TMEM266: variants seen among roughly 807,000 people sequenced by gnomAD.
TMEM266 encodes the protein Hv1 related protein 1.
In TMEM266, 33 loss-of-function variants were observed where a neutral mutation model predicts 50.5. The ratio of observed to expected loss-of-function variants is 0.65; its 90% CI spans 0.50 to 0.87. The LOEUF is 0.87. Among genes scored for constraint, TMEM266 ranks in the 40% least tolerant of loss-of-function variants. The pLI is 0.00. For missense variants in TMEM266, 655 were observed against 695.1 expected (o/e 0.94, Z 0.65); for synonymous variants, 310 against 292.3 (o/e 1.06, Z -0.62).
At chr15:76,093,562 T>A (rs956444310) in intron 1 of TMEM266, among the ~76,000 whole-genome samples, 4 of 152,006 alleles carry the variant, frequency 2.6e-5, no homozygotes, top group Non-Finnish European at 5.9e-5. Context: ...TGAATAGTGC[T>A]GCAATAAACA....
At chr15:76,103,274 A>G (rs767861031) in intron 1 of TMEM266, among the ~76,000 whole-genome samples, 4 of 151,814 alleles carry the variant, frequency 2.6e-5, no homozygotes, top group South Asian at 2.1e-4. Context: ...AGGCCAAGGC[A>G]GGAGGATTGC....
chr15:76,204,126 G>A lies in TMEM266; in HGVS notation c.1407G>A (p.Ala469=), dbSNP rs767600432. 23 of 1,613,006 alleles carry A rather than the reference G, an allele frequency of 1.4e-5. No homozygotes were observed. Among genetic ancestry groups the A allele is most frequent in the East Asian group, 2.2e-5 (1 of 44,874 alleles). The change falls in exon 11 of 11, where the codon GCG becomes GCA. Residue 469 remains alanine, a synonymous_variant. Coordinates refer to ENST00000388942, the MANE Select transcript of TMEM266 (RefSeq NM_152335.3). ...CCCCCCTCGCCCGGCCCAGCCCAGC[G>A]GGCTCGGCCCAAACCAGCCCCGAGC...
At chr15:76,110,760 A>G (rs2037158895) in intron 1 of TMEM266, among the ~76,000 whole-genome samples, 2 of 152,228 alleles carry the variant, frequency 1.3e-5, no homozygotes. Context: ...ATTATGTCCA[A>G]AATATATAAG....
chr15:76,061,475 G>C (rs1383900516), intron 1 of TMEM266, among the ~76,000 whole-genome samples: 2 of 152,204 alleles, frequency 1.3e-5, no homozygotes, highest in South Asian at 2.1e-4. Flanking sequence ...GGAGCCCTGA[G>C]GGGGCTTTTC....
chr15:76,118,984 C>T (rs2037294802), intron 1 of TMEM266, among the ~76,000 whole-genome samples: 1 of 152,152 alleles, frequency 6.6e-6, no homozygotes, highest in South Asian at 2.1e-4. Context: ...TCAAATGAAG[C>T]TCTGCCAACA....
chr15:76,202,252 GGGC>G lies in TMEM266; in HGVS notation c.1010_1012del (p.Gly337_Pro338delinsAla), dbSNP rs775016217. ...CAGCTACATCAGTCAGTATTACAAT[GGGC>G]CCAGCAGTGGTAAGTCTGGGTTGGG... is the stretch of plus-strand genomic sequence containing the variant. On this transcript the variant is annotated inframe_deletion, in exon 10 of 11. Coordinates refer to ENST00000388942, the MANE Select transcript of TMEM266 (RefSeq NM_152335.3). 1.2e-6 allele frequency: 2 copies of G among 1,613,584 alleles called. No homozygotes were observed. Among genetic ancestry groups the G allele is most frequent in the Non-Finnish European group, 1.7e-6 (2 of 1,179,740 alleles).
rs2038758820 is a variant in TMEM266, at chr15:76,202,182, C to A, written c.959-20C>A. ...GAATGAACTTGATGCACTCACCCTT[C>A]TCTGTCCCCACCTCTGTAGAAGCCA... On this transcript the variant is annotated intron_variant, in intron 9 of 10. Transcript: ENST00000388942. The A allele has an allele frequency of 1.2e-6, 2 of 1,607,104 alleles. No individual in the cohort carries two copies. Among genetic ancestry groups the A allele is most frequent in the Non-Finnish European group, 1.7e-6 (2 of 1,174,728 alleles).
chr15:76,189,337 C>T (rs367694207), intron 8 of TMEM266, among the ~76,000 whole-genome samples: 11 of 120,008 alleles, frequency 9.2e-5, no homozygotes, highest in Middle Eastern at 5.3e-3. Context: ...AAAGAGGGAG[C>T]AGAGAAAGAA....
At chr15:76,103,897 C>T (rs1290882265) in intron 1 of TMEM266, among the ~76,000 whole-genome samples, 1 of 128,166 alleles carries the variant, frequency 7.8e-6, no homozygotes, top group African/African-American at 3.1e-5. Context: ...AGCGACGGAG[C>T]GAGACTCCAT....
intron 1 of TMEM266, among the ~76,000 whole-genome samples, chr15:76,063,999 C>T (rs1267095337): frequency 1.3e-5 from 2 of 152,038 alleles, no homozygotes; most frequent in East Asian, 1.9e-4. Flanking sequence ...GGATGTGTGA[C>T]GAGGCAGCAA....
chr15:76,141,708 A>G (rs2037681855), intron 3 of TMEM266, among the ~76,000 whole-genome samples: 1 of 152,198 alleles, frequency 6.6e-6, no homozygotes, highest in African/African-American at 2.4e-5. Flanking sequence ...CTTGCAAACT[A>G]GAAACTCTAT....
chr15:76,172,601 C>A (rs1011261190), intron 7 of TMEM266, among the ~76,000 whole-genome samples: 1 of 152,190 alleles, frequency 6.6e-6, no homozygotes, highest in Non-Finnish European at 1.5e-5. Flanking sequence ...AGTAGGGAAT[C>A]TTCATCAAAC....
At chr15:76,156,895 G>T in intron 4 of TMEM266, 137 bp downstream of exon 4, 1 of 893,798 alleles carries the variant, frequency 1.1e-6, no homozygotes. Context: ...AGGCCCTGGG[G>T]CTCATGGGGA....
At chr15:76,179,708 T>A (rs1425385188) in intron 8 of TMEM266, among the ~76,000 whole-genome samples, 5 of 152,190 alleles carry the variant, frequency 3.3e-5, no homozygotes, top group African/African-American at 1.2e-4. Flanking sequence ...ATTCTCAGAG[T>A]ATAATGAAGA....
intron 1 of TMEM266, among the ~76,000 whole-genome samples, chr15:76,121,872 T>G (rs768262594): frequency 5.3e-5 from 8 of 152,262 alleles, no homozygotes; most frequent in Admixed American, 4.6e-4. Context: ...TAAATGTCTA[T>G]CTATGCATCT....
intron 9 of TMEM266, among the ~76,000 whole-genome samples, chr15:76,199,196 A>G (rs1315398357): frequency 1.3e-5 from 2 of 152,244 alleles, no homozygotes; most frequent in Non-Finnish European, 2.9e-5. Context: ...ACCAGTCACC[A>G]AGATGGAGGC....
rs377278112 is a variant in TMEM266 at position 76,126,350 on chromosome 15, T to TAC, written c.-96-7803_-96-7802dup. Among the ~76,000 whole-genome samples, 10 of 139,184 alleles carry TAC rather than the reference T, an allele frequency of 7.2e-5. No homozygotes were observed. In the East Asian group the frequency reaches 1.1e-3, roughly 15 times the overall value. 91.3% of individuals were successfully genotyped at this position (139,184 alleles called of 152,430 possible). The stretch of plus-strand genomic sequence containing the variant: ...CCATCAATAGACAAATATGTGTGTG[T>TAC]ACACACACACACACACCCACAGACA... On this transcript the variant is annotated intron_variant, in intron 1 of 10. Transcript: ENST00000388942.
chr15:76,107,698 A>G (rs1177081795), intron 1 of TMEM266, among the ~76,000 whole-genome samples: 1 of 152,208 alleles, frequency 6.6e-6, no homozygotes, highest in Non-Finnish European at 1.5e-5. Flanking sequence ...TGTGTCAGCC[A>G]TGTCCCAGGG....
chr15:76,107,944 G>T (rs2037109456), intron 1 of TMEM266, among the ~76,000 whole-genome samples: 1 of 152,166 alleles, frequency 6.6e-6, no homozygotes, highest in Non-Finnish European at 1.5e-5. Context: ...ATTTTAGCAG[G>T]CACCCTCTTC....
Sources: allele counts gnomAD v4.1 joint callset (sites outside exome capture counted in the v4.1 genomes callset), GRCh38; gene constraint gnomAD v4.1.1; transcripts MANE v1.5; gene names NCBI Gene and HGNC (gene_info 2026-07-23, HGNC 2026-07-21).